GRB10: variants seen among roughly 807,000 people sequenced by gnomAD.
The protein encoded by GRB10 is growth factor receptor-bound protein 10.
GRB10 carries 20 observed loss-of-function variants against 80.9 expected under a neutral mutation model. The ratio of observed to expected loss-of-function variants is 0.25; its 90% CI spans 0.17 to 0.36. The LOEUF is 0.36. GRB10 is among the 10% of genes least tolerant of loss of function. The probability of loss-of-function intolerance (pLI) is 1.00; values close to 1 mark genes in which losing one functional copy is unlikely to be tolerated. For missense variants in GRB10, 548 were observed against 747.7 expected, an observed-to-expected ratio of 0.73 and a Z score of 3.12; for synonymous variants, 291 against 291.5, an observed-to-expected ratio of 1.00 and a Z score of 0.02.
At chr7:50,727,321 C>G (rs572483164) in intron 4 of GRB10, among the ~76,000 whole-genome samples, 7 of 152,292 alleles carry the variant, frequency 4.6e-5, no homozygotes, top group African/African-American at 1.7e-4. Flanking sequence ...TCATGGTGGC[C>G]CATGGTTGGT....
chr7:50,735,122 G>A (rs1415254295), intron 3 of GRB10, among the ~76,000 whole-genome samples: 2 of 152,116 alleles, frequency 1.3e-5, no homozygotes, highest in African/African-American at 4.8e-5. Flanking sequence ...AAAGGTACAG[G>A]ATACAAAGTG....
At chr7:50,711,616 G>A (rs981161255) in intron 4 of GRB10, among the ~76,000 whole-genome samples, 5 of 152,150 alleles carry the variant, frequency 3.3e-5, no homozygotes, top group African/African-American at 7.2e-5. Context: ...TTTTGAAAGC[G>A]GAGGCATCAC....
chr7:50,763,073 G>A (rs966979821), intron 2 of GRB10, among the ~76,000 whole-genome samples: 11 of 151,194 alleles, frequency 7.3e-5, no homozygotes, highest in Non-Finnish European at 1.5e-4. Context: ...AGCCGAGATC[G>A]TGCCACTGCA....
At chr7:50,638,265 T>C (rs2055453525) in intron 7 of GRB10, among the ~76,000 whole-genome samples, 1 of 152,064 alleles carries the variant, frequency 6.6e-6, no homozygotes, top group South Asian at 2.1e-4. Context: ...AGAATAAAAA[T>C]AGACAAGTGG....
intron 2 of GRB10, among the ~76,000 whole-genome samples, chr7:50,764,989 ACT>A (rs1361646324): frequency 6.6e-6 from 1 of 152,222 alleles, no homozygotes; most frequent in African/African-American, 2.4e-5. Flanking sequence ...AAAACAAGTA[ACT>A]CAATTTAAAA....
chr7:50,664,477 G>A (rs2059595459), intron 7 of GRB10, among the ~76,000 whole-genome samples: 1 of 152,220 alleles, frequency 6.6e-6, no homozygotes, highest in Admixed American at 6.5e-5. Context: ...TGTCTGTGGG[G>A]GCAGGGGGGA....
intron 2 of GRB10, among the ~76,000 whole-genome samples, chr7:50,771,280 C>T (rs2076953197): frequency 6.6e-6 from 1 of 152,314 alleles, no homozygotes; most frequent in African/African-American, 2.4e-5. Flanking sequence ...CGGTCCACTC[C>T]ACCAGTCTAC....
intron 8 of GRB10, among the ~76,000 whole-genome samples, chr7:50,625,129 T>A (rs2052644610): frequency 6.6e-6 from 1 of 152,210 alleles, no homozygotes; most frequent in African/African-American, 2.4e-5. Flanking sequence ...TATGATAGTC[T>A]AGAAATCAAA....
intron 3 of GRB10, among the ~76,000 whole-genome samples, chr7:50,753,907 G>A (rs1479546117): frequency 6.6e-6 from 1 of 152,194 alleles, no homozygotes. Flanking sequence ...CGCTGGGGCT[G>A]GTGAGAGATG....
At chr7:50,685,996 T>A (rs2237487) in intron 5 of GRB10, among the ~76,000 whole-genome samples, 71,632 of 151,884 alleles carry the variant, frequency 0.47, 17,708 homozygotes, top group Admixed American at 0.55. Flanking sequence ...TAGGAACTTC[T>A]GGGGTGGGAA....
At position 50,719,458 on chromosome 7, in the gene GRB10, A is replaced by T. The variant is rs553867731; in HGVS notation, c.51+12814T>A. On this transcript the variant is annotated intron_variant, in intron 4 of 18. Transcript: ENST00000401949. ...CAAACACTGCATGTTCTCACTCATA[A>T]GCGGCAGTTGAACAATGAGAACACG... Among the ~76,000 whole-genome samples the T allele has an allele frequency of 3.3e-5, 5 of 149,356 alleles. No individual in the cohort carries two copies. The South Asian group carries it at 1.1e-3, about 32-fold the overall frequency.
At position 50,723,763 on chromosome 7, in the gene GRB10, T is replaced by A. The variant is rs183664402; in HGVS notation, c.51+8509A>T. The stretch of plus-strand genomic sequence containing the variant: ...CTGGGATTCAAACCTGGGGCCTGCA[T>A]GCCTCCTGGGCTGGCTCACCTCCCG... On this transcript the variant is annotated intron_variant, in intron 4 of 18. Coordinates refer to ENST00000401949, the MANE Select transcript of GRB10 (RefSeq NM_001350814.2). Among the ~76,000 whole-genome samples the A allele has an allele frequency of 1.3e-3, 205 of 152,364 alleles. 1 individual carries two copies. The highest frequency in any genetic ancestry group is 4.7e-3 in the African/African-American group (197 of 41,584).
intron 2 of GRB10, among the ~76,000 whole-genome samples, chr7:50,770,747 A>G (rs541313462): frequency 8.2e-6 from 1 of 121,708 alleles, no homozygotes; most frequent in African/African-American, 3.3e-5. Context: ...GTACAAAACA[A>G]TGACACTCTT....
chr7:50,764,958 T>C (rs931806246), intron 2 of GRB10, among the ~76,000 whole-genome samples: 2 of 151,384 alleles, frequency 1.3e-5, no homozygotes, highest in Admixed American at 6.6e-5. Flanking sequence ...GTATAAGGAG[T>C]TCAAACAATT....
chr7:50,653,523 A>T (rs553081881), intron 7 of GRB10, among the ~76,000 whole-genome samples: 1 of 152,356 alleles, frequency 6.6e-6, no homozygotes, highest in South Asian at 2.1e-4. Context: ...CAACAAGTGC[A>T]GGTGTGTGTA....
chr7:50,618,317 G>A (rs890953768), intron 9 of GRB10, among the ~76,000 whole-genome samples, 178 bp from the exon 10 acceptor site: 8 of 152,126 alleles, frequency 5.3e-5, no homozygotes, highest in African/African-American at 1.9e-4. Flanking sequence ...CCTTCAAAAG[G>A]TTGTATTTTG....
At chr7:50,792,956 G>GGCGCCCGGCTGCCTCCGCCTCCGCCGC (rs1286110933) in intron 1 of GRB10, 126 of 147,000 alleles carry the variant, frequency 8.6e-4, no homozygotes, top group African/African-American at 3.0e-3. Context: ...AGCCCCGCGG[G>GGCGCCCGGCTGCCTCCGCCTCCGCCGC]GCGCCCGGCT....
chr7:50,612,140 C>A (rs974381268), intron 13 of GRB10, among the ~76,000 whole-genome samples: 1 of 152,190 alleles, frequency 6.6e-6, no homozygotes, highest in Non-Finnish European at 1.5e-5. Flanking sequence ...GAGGTACTGT[C>A]TCTGCTGAGG....
In GRB10 at chr7:50,616,222, C is replaced by T. The variant is rs2050619278; in HGVS notation, c.972G>A (p.Lys324=). The T allele has an allele frequency of 3.1e-6, 5 of 1,614,074 alleles. No homozygotes were observed. The African/African-American group carries it at 6.7e-5, about 22-fold the overall frequency. The change falls in exon 11 of 19, where the codon AAG becomes AAA. Residue 324 remains lysine (K), a synonymous_variant. Coordinates refer to ENST00000401949, the MANE Select transcript of GRB10 (RefSeq NM_001350814.2). ...TTTTAAAGCTCACCTTTGAAGTTCCCTTGGTGGAGCAATAAAGGCCAGATC... is the reference window on the plus strand; with the variant it reads ...TTTTAAAGCTCACCTTTGAAGTTCCTTTGGTGGAGCAATAAAGGCCAGATC... The part of the protein sequence containing the change: ...LRRSGLYCST[K]GTSKEPRHLQ...
Sources: gnomAD v4.1 joint callset for allele counts (sites outside exome capture counted in the v4.1 genomes callset) on GRCh38, gnomAD v4.1.1 for gene constraint, MANE v1.5 for transcripts, NCBI Gene and HGNC (gene_info 2026-07-23, HGNC 2026-07-21) for gene names.